LRRC37B: variants seen among roughly 807,000 people sequenced by gnomAD.
The protein encoded by LRRC37B is leucine-rich repeat-containing protein 37B.
LRRC37B carries 28 observed loss-of-function variants against 98.3 expected under a neutral mutation model. The observed-to-expected ratio is 0.28, with a 90% CI of 0.21 to 0.39. The LOEUF is 0.39. Among genes scored for constraint, LRRC37B ranks in the 10% least tolerant of loss-of-function variants. LRRC37B has a pLI of 1.00. For missense variants in LRRC37B, 938 were observed against 1,182.7 expected (o/e 0.79, Z 3.03); for synonymous variants, 364 against 442.7 (o/e 0.82, Z 2.23).
At chr17:32,040,556 C>G in intron 7 of LRRC37B, 1 of 754,056 alleles carries the variant, frequency 1.3e-6, no homozygotes, top group Non-Finnish European at 2.5e-6. Context: ...ATGTCATCAG[C>G]AAGGCGGTGA....
At chr17:32,017,603 G>A (rs1405866940), upstream of LRRC37B, among the ~76,000 whole-genome samples, 1 of 152,090 alleles carries the variant, frequency 6.6e-6, no homozygotes, top group Non-Finnish European at 1.5e-5. Context: ...CTAGGAGTTC[G>A]AGACCAGCCT....
chr17:32,040,821 A>G (rs1362418523), intron 7 of LRRC37B: 6 of 820,686 alleles, frequency 7.3e-6, no homozygotes, highest in Admixed American at 5.4e-5. Context: ...CTCCCTGGAC[A>G]TAGAGGTCAA....
chr17:32,018,392 A>G (rs1339414527), upstream of LRRC37B, among the ~76,000 whole-genome samples: 1 of 152,234 alleles, frequency 6.6e-6, no homozygotes, highest in Non-Finnish European at 1.5e-5. Context: ...AATTCAAAAC[A>G]AGCAGCAGAA....
intron 1 of LRRC37B, among the ~76,000 whole-genome samples, chr17:32,009,237 A>G (rs560415532): frequency 6.6e-6 from 1 of 151,406 alleles, no homozygotes; most frequent in Non-Finnish European, 1.5e-5. Context: ...TGCCATCTGT[A>G]TATCATTGTT....
chr17:32,007,531 C>G (rs1190557041), upstream of LRRC37B, among the ~76,000 whole-genome samples: 1 of 152,064 alleles, frequency 6.6e-6, no homozygotes, highest in African/African-American at 2.4e-5. This position sits in a 1 kb window ranked among gnomAD's most constrained non-coding sequence, Gnocchi z 4.1. Context: ...CAACCCGGCC[C>G]CGGCGCTCCC....
intron 11 of LRRC37B, among the ~76,000 whole-genome samples, chr17:32,050,834 A>G (rs1911734647): frequency 1.3e-5 from 2 of 152,174 alleles, no homozygotes; most frequent in South Asian, 4.1e-4. Context: ...CCCTGGGGCG[A>G]GTCCTGTTTA....
chr17:32,048,978 G>A (rs1333300019), intron 9 of LRRC37B, 124 bp from the exon 13 acceptor site: 3 of 1,547,428 alleles, frequency 1.9e-6, no homozygotes, highest in Non-Finnish European at 2.7e-6. Context: ...AGTTTCCGCT[G>A]GGACTGCATT....
chr17:32,027,393 ATG>A (rs370608644), intron 2 of LRRC37B, among the ~76,000 whole-genome samples: 13 of 113,134 alleles, frequency 1.1e-4, no homozygotes, highest in East Asian at 7.9e-4. Flanking sequence ...GTGTGCTTGC[ATG>A]TGTGTGTGTG....
chr17:32,037,109 C>A (rs1434263196), intron 7 of LRRC37B, among the ~76,000 whole-genome samples: 1 of 150,762 alleles, frequency 6.6e-6, no homozygotes, highest in Non-Finnish European at 1.5e-5. Context: ...GCCTCAGCCT[C>A]CCAAGTAGCT....
rs759149154 is a variant in LRRC37B at position 32,021,133 on chromosome 17, C to G, written c.68C>G (p.Ala23Gly). The stretch of plus-strand genomic sequence containing the variant: ...AGAATGGCTTTTGCTGAGTGCATAG[C>G]ACCAGCGTGTGTCATGTCTTGGCTG... The change falls in exon 1 of 12, where the codon GCA becomes GGA. Residue 23 changes from alanine to glycine, a missense_variant. Ala to Gly is a moderately conservative substitution (Grantham distance 60). Transcript: ENST00000327564. 2.5e-6 allele frequency: 4 copies of G among 1,614,146 alleles called. No individual in the cohort carries two copies. In the South Asian group the frequency reaches 4.4e-5, roughly 18 times the overall value.
At position 32,034,803 on chromosome 17, in the gene LRRC37B, AT is replaced by A. The variant is rs1435833443; in HGVS notation, c.2058-105del. On this transcript the variant is annotated intron_variant, in intron 5 of 11. Transcript: ENST00000327564. ...GTGATTTATTATGTAAAAGCAGAAA[AT>A]TATTTTTTTTACCTAAAAGTTCCAT... 1.2e-5 allele frequency: 10 copies of A among 805,282 alleles called. No individual in the cohort carries two copies. The African/African-American group carries it at 1.8e-4, about 14-fold the overall frequency. The allele number at this position is 805,282 out of a possible 1,614,324, so 49.9% of individuals were successfully genotyped here.
chr17:32,014,876 A>T (rs1910616649), intron 1 of LRRC37B, among the ~76,000 whole-genome samples: 1 of 152,230 alleles, frequency 6.6e-6, no homozygotes, highest in African/African-American at 2.4e-5. Flanking sequence ...TCACACCTGT[A>T]ATCCCAGCAC....
intron 5 of LRRC37B, among the ~76,000 whole-genome samples, chr17:32,033,302 AGAAG>A (rs914979788): frequency 1.5e-5 from 2 of 137,870 alleles, no homozygotes; most frequent in Admixed American, 7.2e-5. Flanking sequence ...TTAACTCAAA[AGAAG>A]GAAGGAAGGA....
chr17:32,025,613 C>T (rs1174067666), intron 2 of LRRC37B, among the ~76,000 whole-genome samples: 1 of 152,072 alleles, frequency 6.6e-6, no homozygotes, highest in Non-Finnish European at 1.5e-5. Flanking sequence ...TTCATAATTT[C>T]TTTCCTTCCT....
chr17:32,030,563 G>A, intron 3 of LRRC37B, 93 bp from the exon 7 acceptor site: 1 of 1,143,926 alleles, frequency 8.7e-7, no homozygotes, highest in African/African-American at 1.6e-5. Context: ...GATGAAAAAT[G>A]TGTATTCAAT....
intron 1 of LRRC37B, among the ~76,000 whole-genome samples, chr17:32,008,685 A>C (rs1196286827): frequency 1.3e-5 from 2 of 152,234 alleles, no homozygotes; most frequent in Non-Finnish European, 2.9e-5. Context: ...TGTGTTAAGG[A>C]AACGGATCAT....
upstream of LRRC37B, among the ~76,000 whole-genome samples, chr17:32,018,569 A>G (rs923205928): frequency 2.0e-5 from 3 of 152,162 alleles, no homozygotes; most frequent in African/African-American, 7.2e-5. Context: ...AGTTGTGGAC[A>G]CAGGAGAGGG....
intron 4 of LRRC37B, 148 bp from the exon 8 acceptor site, chr17:32,031,230 A>G (rs761757539): frequency 9.8e-5 from 129 of 1,310,696 alleles, no homozygotes; most frequent in Non-Finnish European, 9.9e-5. Flanking sequence ...AGTATAAACC[A>G]TAAGCCAGTA....
chr17:32,039,656 A>C (rs2142255671), intron 7 of LRRC37B, among the ~76,000 whole-genome samples: 1 of 146,324 alleles, frequency 6.8e-6, no homozygotes, highest in Admixed American at 7.1e-5. Context: ...TACACAACTT[A>C]CTGCAACTTA....
Sources: gnomAD v4.1 joint callset for allele counts (sites outside exome capture counted in the v4.1 genomes callset) on GRCh38, gnomAD v4.1.1 for gene constraint, Gnocchi (gnomAD v3.1) non-coding constraint, MANE v1.5 for transcripts, NCBI Gene and HGNC (gene_info 2026-07-23, HGNC 2026-07-21) for gene names.